RAB38: variants seen among roughly 807,000 people sequenced by gnomAD.
RAB38 encodes ras-related protein Rab-38.
In RAB38, 15 loss-of-function variants were observed where a neutral mutation model predicts 18.4. That is an observed-to-expected ratio of 0.82 (90% confidence interval 0.55 to 1.26). RAB38 has a LOEUF of 1.26. RAB38 is among the 50% of genes most tolerant of loss of function. The pLI is 0.00. For missense variants in RAB38, 294 were observed against 267.4 expected (o/e 1.10, Z -0.69); for synonymous variants, 101 against 104.4 (o/e 0.97, Z 0.20).
chr11:88,142,733 C>G (rs1942931671), intron 2 of RAB38, among the ~76,000 whole-genome samples: 1 of 152,158 alleles, frequency 6.6e-6, no homozygotes, highest in African/African-American at 2.4e-5. Flanking sequence ...CAAAGAATGT[C>G]CATTGCATTA....
the RAB38 span, among the ~76,000 whole-genome samples, chr11:88,066,359 C>T: frequency 6.6e-6 from 1 of 152,076 alleles, no homozygotes; most frequent in African/African-American, 2.4e-5. Context: ...GTCTCATCAC[C>T]CTAGCTAAAC....
At chr11:88,122,256 A>C (rs1336139204) in intron 2 of RAB38, among the ~76,000 whole-genome samples, 1 of 152,258 alleles carries the variant, frequency 6.6e-6, no homozygotes, top group Non-Finnish European at 1.5e-5. Flanking sequence ...ATTAAGAACC[A>C]GAATATTCAT....
chr11:87,956,286 A>G, the RAB38 span, among the ~76,000 whole-genome samples: 1 of 152,202 alleles, frequency 6.6e-6, no homozygotes. Context: ...TAGCAAATAA[A>G]TTGTAGCTAT....
chr11:87,959,215 A>G, the RAB38 span, among the ~76,000 whole-genome samples: 2 of 152,062 alleles, frequency 1.3e-5, no homozygotes, highest in South Asian at 2.1e-4. Flanking sequence ...CGCATTTAGG[A>G]TATCTCCTGC....
At chr11:88,028,110 C>T in the RAB38 span, among the ~76,000 whole-genome samples, 13 of 152,212 alleles carry the variant, frequency 8.5e-5, no homozygotes, top group South Asian at 1.0e-3. Context: ...CTGATACCCA[C>T]GCAAACAGGG....
At chr11:87,905,330 C>T in the RAB38 span, among the ~76,000 whole-genome samples, 1 of 151,216 alleles carries the variant, frequency 6.6e-6, no homozygotes, top group Non-Finnish European at 1.5e-5. Flanking sequence ...CTGGTTAGCT[C>T]TTTCCATCAT....
the RAB38 span, among the ~76,000 whole-genome samples, chr11:87,955,202 C>CATTTA: frequency 6.6e-6 from 1 of 152,204 alleles, no homozygotes; most frequent in Admixed American, 6.5e-5. Flanking sequence ...CACATGCTTT[C>CATTTA]ATTTATTTTT....
chr11:87,813,049 C>A, the RAB38 span, among the ~76,000 whole-genome samples: 1 of 152,100 alleles, frequency 6.6e-6, no homozygotes. Context: ...CACAGCCAAA[C>A]AGGATTTTTT....
chr11:88,045,659 C>T, the RAB38 span, among the ~76,000 whole-genome samples: 3 of 152,204 alleles, frequency 2.0e-5, no homozygotes, highest in Non-Finnish European at 4.4e-5. Context: ...TAGCGGCTGA[C>T]GATCGACGCT....
intron 1 of RAB38, among the ~76,000 whole-genome samples, chr11:88,155,803 A>C (rs560899580): frequency 2.2e-4 from 34 of 152,326 alleles, no homozygotes; most frequent in Admixed American, 2.1e-3. Context: ...CAGAAAATGA[A>C]GGAGGAGATA....
chr11:87,977,789 TTA>T, the RAB38 span, among the ~76,000 whole-genome samples: 31 of 113,248 alleles, frequency 2.7e-4, no homozygotes, highest in African/African-American at 9.7e-4. Context: ...TATATCATAG[TTA>T]TATATATTAT....
chr11:88,100,849 T>C, the RAB38 span, among the ~76,000 whole-genome samples: 1 of 151,858 alleles, frequency 6.6e-6, no homozygotes, highest in Non-Finnish European at 1.5e-5. Flanking sequence ...GTAGACAAAA[T>C]AGTTCTTAGG....
the RAB38 span, among the ~76,000 whole-genome samples, chr11:88,096,946 TAAAA>T: frequency 6.7e-6 from 1 of 149,014 alleles, no homozygotes; most frequent in African/African-American, 2.6e-5. Context: ...TTTTGTAAAA[TAAAA>T]AAACACATTT....
chr11:88,118,554 C>A lies in RAB38; in HGVS notation c.484-4414G>T, dbSNP rs533642135. On this transcript the variant is annotated intron_variant, in intron 2 of 2. Transcript: ENST00000243662. Reference sequence around the variant, plus strand: ...TGCCAGAATAAGTGAAAAACACTACCTGGAAATTTTCATTTGCATTTATTA... The same window carrying A: ...TGCCAGAATAAGTGAAAAACACTACATGGAAATTTTCATTTGCATTTATTA... Among the ~76,000 whole-genome samples the A allele has an allele frequency of 9.2e-4, 140 of 152,310 alleles. 2 individuals carry two copies. Among genetic ancestry groups the A allele is most frequent in the African/African-American group, 3.3e-3 (137 of 41,570 alleles).
the RAB38 span, among the ~76,000 whole-genome samples, chr11:87,912,643 T>C: frequency 3.3e-5 from 5 of 151,782 alleles, no homozygotes; most frequent in African/African-American, 7.2e-5. Flanking sequence ...TTGATCTCTT[T>C]AAAGAACCAG....
At chr11:87,847,911 A>G in the RAB38 span, among the ~76,000 whole-genome samples, 5 of 152,144 alleles carry the variant, frequency 3.3e-5, no homozygotes, top group Admixed American at 6.6e-5. Flanking sequence ...AAAAGAGCTA[A>G]GAGAATACAA....
At chr11:87,925,033 G>A in the RAB38 span, among the ~76,000 whole-genome samples, 1 of 152,004 alleles carries the variant, frequency 6.6e-6, no homozygotes, top group Non-Finnish European at 1.5e-5. Context: ...CAGTGGTAGG[G>A]ATGGTGATGT....
chr11:87,886,960 C>T, the RAB38 span, among the ~76,000 whole-genome samples: 12 of 151,744 alleles, frequency 7.9e-5, no homozygotes, highest in Non-Finnish European at 1.6e-4. Flanking sequence ...CATCAGCCAG[C>T]ATAACTTTAA....
the RAB38 span, among the ~76,000 whole-genome samples, chr11:87,931,554 T>C: frequency 1.3e-5 from 2 of 152,052 alleles, no homozygotes; most frequent in East Asian, 3.9e-4. Flanking sequence ...CCAGGTACCA[T>C]ATGGCTGCTT....
Sources: gnomAD v4.1 joint callset for allele counts (sites outside exome capture counted in the v4.1 genomes callset) on GRCh38, gnomAD v4.1.1 for gene constraint, MANE v1.5 for transcripts, NCBI Gene and HGNC (gene_info 2026-07-23, HGNC 2026-07-21) for gene names.